Variants in SIAH2 observed in about 807,000 individuals in gnomAD.
SIAH2 encodes E3 ubiquitin-protein ligase SIAH2.
Under a neutral mutation model 20.4 loss-of-function variants are expected in SIAH2, and 4 were observed. The observed-to-expected ratio is 0.20, with a 90% CI of 0.10 to 0.45. The LOEUF (loss-of-function observed/expected upper bound fraction) is 0.45. Among genes scored for constraint, SIAH2 ranks in the 20% least tolerant of loss-of-function variants. The probability of loss-of-function intolerance (pLI) is 0.99; values close to 1 mark genes in which losing one functional copy is unlikely to be tolerated. For synonymous variants in SIAH2, 171 were observed against 192.5 expected, an observed-to-expected ratio of 0.89 and a Z score of 0.93; for missense variants, 259 against 440.3, an observed-to-expected ratio of 0.59 and a Z score of 3.69.
intron 1 of SIAH2, among the ~76,000 whole-genome samples, chr3:150,751,834 T>C (rs1025797478): frequency 1.4e-4 from 22 of 152,162 alleles, no homozygotes; most frequent in Admixed American, 4.6e-4. Flanking sequence ...GTTGGGATTA[T>C]AGGCATGAGC....
chr3:150,745,667 T>C (rs1021138735), intron 1 of SIAH2, among the ~76,000 whole-genome samples: 3 of 152,012 alleles, frequency 2.0e-5, no homozygotes, highest in Admixed American at 1.3e-4. Context: ...AGCTAATTTT[T>C]TGTATTTTTA....
rs761003951 is a variant in SIAH2 at position 150,742,913 on chromosome 3, G to C, written c.418-215C>G. Among the ~76,000 whole-genome samples, 6 of 152,186 alleles carry C rather than the reference G, an allele frequency of 3.9e-5. No individual in the cohort carries two copies. The highest frequency in any genetic ancestry group is 4.4e-5 in the Non-Finnish European group (3 of 68,032). On this transcript the variant is annotated intron_variant, in intron 1 of 1. Coordinates refer to ENST00000312960, the MANE Select transcript of SIAH2 (RefSeq NM_005067.7). This position sits in a 1 kb window ranked among gnomAD's most constrained non-coding sequence, Gnocchi z 4.8. Reference sequence around the variant, plus strand: ...AAAATGAAGGGTATTTCCTGAACCAGAAATACGCTGTTTTCCATGCCCCCT... The same window carrying C: ...AAAATGAAGGGTATTTCCTGAACCACAAATACGCTGTTTTCCATGCCCCCT...
At chr3:150,759,159 G>A (rs992018257) in intron 1 of SIAH2, among the ~76,000 whole-genome samples, 1 of 152,192 alleles carries the variant, frequency 6.6e-6, no homozygotes, top group East Asian at 1.9e-4. Context: ...TGGGATTACA[G>A]GCATGAGTCA....
At chr3:150,746,756 C>T (rs1200832542) in intron 1 of SIAH2, among the ~76,000 whole-genome samples, 1 of 152,220 alleles carries the variant, frequency 6.6e-6, no homozygotes, top group East Asian at 1.9e-4. Context: ...ACCTGGCTTC[C>T]AAGCAGCCAC....
At chr3:150,747,663 G>A (rs1714250764) in intron 1 of SIAH2, among the ~76,000 whole-genome samples, 1 of 152,020 alleles carries the variant, frequency 6.6e-6, no homozygotes, top group African/African-American at 2.4e-5. Flanking sequence ...AGGTAGGACC[G>A]GGCGCGATGG....
chr3:150,748,367 T>A (rs1037510591), intron 1 of SIAH2, among the ~76,000 whole-genome samples: 2 of 152,198 alleles, frequency 1.3e-5, no homozygotes, highest in Non-Finnish European at 2.9e-5. Flanking sequence ...ACTTATGAAA[T>A]GAGTATGCAA....
intron 1 of SIAH2, among the ~76,000 whole-genome samples, chr3:150,751,303 A>C (rs1038729597): frequency 6.6e-6 from 1 of 152,162 alleles, no homozygotes; most frequent in South Asian, 2.1e-4. Flanking sequence ...GCGTGGCAGC[A>C]TGTGCCTGTA....
intron 1 of SIAH2, among the ~76,000 whole-genome samples, chr3:150,743,685 T>G (rs1470355662): frequency 2.0e-5 from 3 of 152,140 alleles, no homozygotes; most frequent in African/African-American, 7.2e-5. Flanking sequence ...GGATAAATCA[T>G]ACCTGCCGTG....
rs566485772 is a variant in SIAH2 at position 150,762,414 on chromosome 3, G to T, written c.417+19C>A. 5.6e-5 allele frequency: 89 copies of T among 1,597,542 alleles called. No individual in the cohort carries two copies. In the East Asian group the frequency reaches 2.0e-3, roughly 36 times the overall value. Reference sequence around the variant, plus strand: ...CCTGAGGTCACCGGCGGAGGTACGTGGGCTGTCCCTGGGCTTACCTTACAG... The same window carrying T: ...CCTGAGGTCACCGGCGGAGGTACGTTGGCTGTCCCTGGGCTTACCTTACAG... On this transcript the variant is annotated intron_variant, in intron 1 of 1. Transcript: ENST00000312960. This position sits in a 1 kb window ranked among gnomAD's most constrained non-coding sequence, Gnocchi z 6.6.
At position 150,762,676 on chromosome 3, in the gene SIAH2, G is replaced by A. The variant is rs771663057; in HGVS notation, c.174C>T (p.Pro58=). ...CCGGGCCGGCCCCGCCGCCGCCGCC[G>A]GGGCCCGAGATCACCGCCGCCGCGG... ...VPAAAAVISG[P]GGGGGAGPVS... Residue 58 remains proline (P), a synonymous_variant, in exon 1 of 2, where the codon CCC becomes CCT. Transcript: ENST00000312960. This position sits in a 1 kb window ranked among gnomAD's most constrained non-coding sequence, Gnocchi z 6.6. The A allele has an allele frequency of 6.3e-6, 9 of 1,432,700 alleles. No individual in the cohort carries two copies. The highest frequency in any genetic ancestry group is 3.0e-5 in the African/African-American group (2 of 67,458). The allele number at this position is 1,432,700 out of a possible 1,614,324, so 88.7% of individuals were successfully genotyped here.
chr3:150,754,012 C>T (rs1714428577), intron 1 of SIAH2, among the ~76,000 whole-genome samples: 1 of 152,098 alleles, frequency 6.6e-6, no homozygotes, highest in Non-Finnish European at 1.5e-5. Context: ...TATAGAACTG[C>T]AATATGTGGC....
At chr3:150,746,466 GTTTAT>G (rs199959620) in intron 1 of SIAH2, among the ~76,000 whole-genome samples, 1,526 of 152,226 alleles carry the variant, frequency 0.01, 12 homozygotes, top group South Asian at 0.036. Flanking sequence ...TGACAATGGA[GTTTAT>G]TTTGAGTTTC....
rs1397203076 is a variant in SIAH2 at position 150,756,802 on chromosome 3, C to T, written c.417+5631G>A. Among the ~76,000 whole-genome samples the T allele has an allele frequency of 3.3e-5, 5 of 152,274 alleles. No individual in the cohort carries two copies. In the South Asian group the frequency reaches 6.2e-4, roughly 19 times the overall value. ...TTTTGTTCTTTAAAATCTTGAGCCC[C>T]GGAGTTAATGTATGTGGACTCTGGT... is the stretch of plus-strand genomic sequence containing the variant. On this transcript the variant is annotated intron_variant, in intron 1 of 1. Coordinates refer to ENST00000312960, the MANE Select transcript of SIAH2 (RefSeq NM_005067.7).
rs373195810 is a variant in SIAH2 at position 150,742,687 on chromosome 3, C to T, written c.429G>A (p.Thr143=). 27 of 1,527,676 alleles carry T rather than the reference C, an allele frequency of 1.8e-5. No homozygotes were observed. The African/African-American group carries it at 2.4e-4, about 13-fold the overall frequency. The allele number at this position is 1,527,676 out of a possible 1,614,324, so 94.6% of individuals were successfully genotyped here. The change falls in exon 2 of 2, where the codon ACG becomes ACA. Residue 143 remains threonine (T), a synonymous_variant. Transcript: ENST00000312960. The surrounding 1 kb of genome is among the most constrained non-coding windows in gnomAD (Gnocchi z 4.8). ...TATGGTGCAGGGTCAGGGAACAGCCCGTGGTGGCATACTGCAAAGAAAGAA... is the reference window on the plus strand; with the variant it reads ...TATGGTGCAGGGTCAGGGAACAGCCTGTGGTGGCATACTGCAAAGAAAGAA... ...AVLFPCKYAT[T]GCSLTLHHTE...
intron 1 of SIAH2, among the ~76,000 whole-genome samples, chr3:150,760,376 C>T (rs1223455941): frequency 6.6e-6 from 1 of 152,184 alleles, no homozygotes; most frequent in Admixed American, 6.5e-5. Context: ...AGCTTTACCC[C>T]ACTGCATTCT....
chr3:150,748,927 A>G (rs1251059501), intron 1 of SIAH2, among the ~76,000 whole-genome samples: 1 of 152,208 alleles, frequency 6.6e-6, no homozygotes, highest in East Asian at 1.9e-4. Context: ...GGATTAGATA[A>G]TAGGATCTGC....
intron 1 of SIAH2, among the ~76,000 whole-genome samples, chr3:150,752,011 C>G (rs79569408): frequency 0.015 from 2,264 of 152,346 alleles, 49 homozygotes; most frequent in African/African-American, 0.051. Context: ...TGTTTCTCAT[C>G]TGTCCATAGC....
intron 1 of SIAH2, among the ~76,000 whole-genome samples, chr3:150,749,310 G>A (rs1275508415): frequency 6.6e-6 from 1 of 151,972 alleles, no homozygotes; most frequent in African/African-American, 2.4e-5. Flanking sequence ...ACTAGCCTGG[G>A]CAACATAGGG....
chr3:150,752,465 CG>C (rs1714392506), intron 1 of SIAH2, among the ~76,000 whole-genome samples: 1 of 152,100 alleles, frequency 6.6e-6, no homozygotes, highest in African/African-American at 2.4e-5. Flanking sequence ...AAAAATTATC[CG>C]GGCGTGATGG....
Sources: gnomAD v4.1 joint callset for allele counts (sites outside exome capture counted in the v4.1 genomes callset) on GRCh38, gnomAD v4.1.1 for gene constraint, Gnocchi (gnomAD v3.1) non-coding constraint, MANE v1.5 for transcripts, NCBI Gene and HGNC (gene_info 2026-07-23, HGNC 2026-07-21) for gene names.